Variants in GADL1 observed in about 807,000 individuals in gnomAD.
The protein encoded by GADL1 is acidic amino acid decarboxylase GADL1.
GADL1 carries 71 observed loss-of-function variants against 69.5 expected under a neutral mutation model. That is an observed-to-expected ratio of 1.02 (90% CI 0.84 to 1.25). The LOEUF (loss-of-function observed/expected upper bound fraction) is 1.25. GADL1 is among the 50% of genes most tolerant of loss of function. GADL1 has a pLI of 0.00. For synonymous variants in GADL1, 254 were observed against 214.4 expected (o/e 1.18, Z -1.62); for missense variants, 737 against 631.8 (o/e 1.17, Z -1.79).
chr3:30,782,955 G>A (rs1211393127), intron 13 of GADL1, among the ~76,000 whole-genome samples: 3 of 152,262 alleles, frequency 2.0e-5, no homozygotes, highest in East Asian at 3.9e-4. Context: ...AGATAACAAT[G>A]TAAGAAAAAT....
At chr3:30,845,722 T>G (rs1698041721) in intron 6 of GADL1, among the ~76,000 whole-genome samples, 1 of 152,010 alleles carries the variant, frequency 6.6e-6, no homozygotes, top group Non-Finnish European at 1.5e-5. Context: ...GAAAGTGTAA[T>G]TAATTCTCTA....
chr3:30,882,597 T>C (rs1427778004), intron 1 of GADL1, among the ~76,000 whole-genome samples: 1 of 152,012 alleles, frequency 6.6e-6, no homozygotes, highest in Admixed American at 6.6e-5. Context: ...CTTCCACCTC[T>C]TTACTATCGT....
chr3:30,865,301 A>T (rs71622593), intron 1 of GADL1, among the ~76,000 whole-genome samples: 230 of 101,154 alleles, frequency 2.3e-3, no homozygotes, highest in African/African-American at 4.4e-3. Flanking sequence ...ATATATATAT[A>T]TATATTTTTT....
intron 1 of GADL1, among the ~76,000 whole-genome samples, chr3:30,864,927 C>T (rs1698375987): frequency 6.6e-6 from 1 of 151,970 alleles, no homozygotes; most frequent in African/African-American, 2.4e-5. Context: ...CTATTCTCAA[C>T]ACAGTACCTC....
At chr3:30,808,536 T>C (rs1697297569) in intron 11 of GADL1, among the ~76,000 whole-genome samples, 1 of 151,144 alleles carries the variant, frequency 6.6e-6, no homozygotes, top group African/African-American at 2.4e-5. Context: ...AAATGTGAGA[T>C]TTCAAGTGCT....
At chr3:30,782,796 C>T (rs755488706) in intron 13 of GADL1, among the ~76,000 whole-genome samples, 1 of 152,030 alleles carries the variant, frequency 6.6e-6, no homozygotes, top group African/African-American at 2.4e-5. Flanking sequence ...GAAAGGAAAT[C>T]AAAGAAACTA....
chr3:30,733,390 G>A (rs1310340522), intron 14 of GADL1, among the ~76,000 whole-genome samples: 1 of 152,176 alleles, frequency 6.6e-6, no homozygotes, highest in Admixed American at 6.5e-5. Flanking sequence ...TTCCTCCCAC[G>A]TAATCTGGGT....
intron 14 of GADL1, among the ~76,000 whole-genome samples, chr3:30,732,821 G>A (rs938602583): frequency 1.3e-5 from 2 of 152,136 alleles, no homozygotes; most frequent in Admixed American, 6.5e-5. Flanking sequence ...ACTTTGGGAC[G>A]CCAAGGCGGG....
At chr3:30,765,051 CTGA>C (rs754036881) in intron 14 of GADL1, among the ~76,000 whole-genome samples, 3 of 152,150 alleles carry the variant, frequency 2.0e-5, no homozygotes, top group African/African-American at 2.4e-5. Context: ...TCCTTCCGAA[CTGA>C]TGATTTGACC....
intron 14 of GADL1, among the ~76,000 whole-genome samples, chr3:30,775,219 A>G (rs1696508336): frequency 6.6e-6 from 1 of 152,228 alleles, no homozygotes; most frequent in Non-Finnish European, 1.5e-5. Flanking sequence ...TCATTACCAA[A>G]TAATCCCTCT....
intron 14 of GADL1, among the ~76,000 whole-genome samples, chr3:30,764,022 C>A (rs1469625684): frequency 1.3e-5 from 2 of 152,038 alleles, no homozygotes; most frequent in African/African-American, 4.8e-5. Context: ...CCTCAAATCT[C>A]TAAATGAGGA....
At chr3:30,775,955 G>A (rs1250456810) in intron 14 of GADL1, among the ~76,000 whole-genome samples, 1 of 152,092 alleles carries the variant, frequency 6.6e-6, no homozygotes, top group Non-Finnish European at 1.5e-5. Context: ...CATGATGGTG[G>A]GTGCCTGTGA....
At chr3:30,805,763 A>G (rs1487688089) in intron 11 of GADL1, among the ~76,000 whole-genome samples, 3 of 63,256 alleles carry the variant, frequency 4.7e-5, no homozygotes, top group East Asian at 1.6e-3. Context: ...TTTTTTGGGC[A>G]CCAGGGACCA....
chr3:30,830,677 C>T (rs918023212), intron 11 of GADL1, among the ~76,000 whole-genome samples: 2 of 151,952 alleles, frequency 1.3e-5, no homozygotes, highest in Non-Finnish European at 2.9e-5. Flanking sequence ...TTCCTATGAC[C>T]TCAGATATCA....
rs1024453174 is a variant in GADL1, at chr3:30,837,083, G to A, written c.903+1914C>T. Among the ~76,000 whole-genome samples, 8 of 152,012 alleles carry A rather than the reference G, an allele frequency of 5.3e-5. 1 individual carries two copies. The highest frequency in any genetic ancestry group is 8.8e-5 in the Non-Finnish European group (6 of 67,988). On this transcript the variant is annotated intron_variant, in intron 9 of 14. Transcript: ENST00000282538. Reference sequence around the variant, plus strand: ...TCTTAGAATTAATAAAACATGGTATGTATGCAGAGCAGCATGGTTTTACTG... The same window carrying A: ...TCTTAGAATTAATAAAACATGGTATATATGCAGAGCAGCATGGTTTTACTG...
chr3:30,818,073 G>T (rs1480641123), intron 11 of GADL1, among the ~76,000 whole-genome samples: 1 of 152,114 alleles, frequency 6.6e-6, no homozygotes, highest in Non-Finnish European at 1.5e-5. Flanking sequence ...TAGCCTCCTT[G>T]CCCAGTTCAC....
chr3:30,808,029 C>T (rs1226218997), intron 11 of GADL1, among the ~76,000 whole-genome samples: 4 of 151,920 alleles, frequency 2.6e-5, no homozygotes, highest in Non-Finnish European at 5.9e-5. Context: ...GAGACCCCTT[C>T]GGGGGGGAAA....
intron 12 of GADL1, among the ~76,000 whole-genome samples, chr3:30,789,316 T>C (rs550260630): frequency 6.2e-4 from 94 of 152,346 alleles, no homozygotes; most frequent in Non-Finnish European, 1.1e-3. Flanking sequence ...TCTTTTTTTC[T>C]GAGCAGTAAG....
intron 12 of GADL1, chr3:30,799,571 T>G (rs1350886876): frequency 6.6e-6 from 1 of 152,222 alleles, no homozygotes; most frequent in Non-Finnish European, 1.5e-5. Flanking sequence ...GGAGACATTT[T>G]CCCTATTGTC....
Sources: allele counts gnomAD v4.1 joint callset (sites outside exome capture counted in the v4.1 genomes callset), GRCh38; gene constraint gnomAD v4.1.1; transcripts MANE v1.5; gene names NCBI Gene and HGNC (gene_info 2026-07-23, HGNC 2026-07-21).